ASTN2: variants seen among roughly 807,000 people sequenced by gnomAD.
The protein encoded by ASTN2 is astrotactin 2.
ASTN2 carries 54 observed loss-of-function variants against 139.8 expected under a neutral mutation model. The ratio of observed to expected loss-of-function variants is 0.39; its 90% CI spans 0.31 to 0.48. The LOEUF is 0.48. Ranked by LOEUF, ASTN2 falls within the 20% of genes least tolerant of loss-of-function variation. The pLI is 0.95. For synonymous variants in ASTN2, 756 were observed against 719.5 expected, an observed-to-expected ratio of 1.05 and a Z score of -0.81; for missense variants, 1,565 against 1,725.1, an observed-to-expected ratio of 0.91 and a Z score of 1.64.
chr9:116,439,346 G>T lies in ASTN2; in HGVS notation c.3782+1263C>A, dbSNP rs186619643. On this transcript the variant is annotated intron_variant, in intron 22 of 22. Coordinates refer to ENST00000313400, the MANE Select transcript of ASTN2 (RefSeq NM_001365068.1). ...CTCCCGAGTAGCTGGGACTACAGGCGCCCGCCACTACGCCCGGCTAATTTT... is the reference window on the plus strand; with the variant it reads ...CTCCCGAGTAGCTGGGACTACAGGCTCCCGCCACTACGCCCGGCTAATTTT... Among the ~76,000 whole-genome samples the T allele has an allele frequency of 4.2e-5, 6 of 142,070 alleles. 2 individuals carry two copies. Among genetic ancestry groups the T allele is most frequent in the African/African-American group, 1.6e-4 (6 of 36,994 alleles). 93.2% of individuals were successfully genotyped at this position (142,070 alleles called of 152,430 possible).
intron 16 of ASTN2, among the ~76,000 whole-genome samples, chr9:116,712,186 T>C (rs532032945): frequency 6.6e-6 from 1 of 152,324 alleles, no homozygotes; most frequent in Non-Finnish European, 1.5e-5. Flanking sequence ...TTTTTGTACA[T>C]GCTTTTCTTG....
chr9:117,310,589 C>A (rs1827943394), intron 1 of ASTN2, among the ~76,000 whole-genome samples: 1 of 151,972 alleles, frequency 6.6e-6, no homozygotes. Context: ...GGATAAATGC[C>A]CTAGTGTGGG....
At chr9:116,980,007 AATATATATT>A (rs1415492391) in intron 7 of ASTN2, among the ~76,000 whole-genome samples, 3 of 152,044 alleles carry the variant, frequency 2.0e-5, no homozygotes, top group African/African-American at 7.2e-5. Flanking sequence ...TTATACAACA[AATATATATT>A]TTGCAATTAA....
At chr9:117,053,789 T>C (rs1838980135) in intron 5 of ASTN2, among the ~76,000 whole-genome samples, 1 of 152,218 alleles carries the variant, frequency 6.6e-6, no homozygotes, top group African/African-American at 2.4e-5. Flanking sequence ...CTCTGTCCTT[T>C]CCTGGATGTA....
chr9:117,189,270 T>C (rs1174415769), intron 3 of ASTN2, among the ~76,000 whole-genome samples: 2 of 152,192 alleles, frequency 1.3e-5, no homozygotes, highest in Non-Finnish European at 2.9e-5. Context: ...CATTTGCCCA[T>C]TCACCCATTC....
intron 1 of ASTN2, among the ~76,000 whole-genome samples, chr9:117,402,336 G>A (rs1458190126): frequency 1.3e-5 from 2 of 152,218 alleles, no homozygotes; most frequent in African/African-American, 4.8e-5. Flanking sequence ...AAAGAGCTGG[G>A]ATTACAGGCG....
chr9:117,200,167 G>A (rs540562109), intron 3 of ASTN2, among the ~76,000 whole-genome samples: 14 of 151,756 alleles, frequency 9.2e-5, no homozygotes, highest in African/African-American at 3.4e-4. Flanking sequence ...TGCCATGTTG[G>A]TGTGCTTCAC....
At chr9:117,168,351 CA>C (rs1830715472) in intron 3 of ASTN2, among the ~76,000 whole-genome samples, 1 of 152,164 alleles carries the variant, frequency 6.6e-6, no homozygotes, top group Non-Finnish European at 1.5e-5. Flanking sequence ...TTCACTTCCA[CA>C]AGGACATGGA....
At chr9:116,467,119 G>GT (rs1564296365) in intron 20 of ASTN2, among the ~76,000 whole-genome samples, 1 of 152,044 alleles carries the variant, frequency 6.6e-6, no homozygotes. Context: ...GGTTTGGTGT[G>GT]TTTCTTTCTT....
intron 20 of ASTN2, among the ~76,000 whole-genome samples, chr9:116,483,604 C>A (rs1040437511): frequency 2.0e-5 from 3 of 151,926 alleles, no homozygotes; most frequent in African/African-American, 7.3e-5. Flanking sequence ...GACAGACAGA[C>A]AAAGACAGGA....
intron 2 of ASTN2, among the ~76,000 whole-genome samples, chr9:117,228,870 C>CAT (rs1189308838): frequency 1.3e-5 from 2 of 151,980 alleles, no homozygotes; most frequent in African/African-American, 2.4e-5. Context: ...CAAAAATTAG[C>CAT]CAGGCATGGT....
rs117502891 is a variant in ASTN2 at position 117,230,133 on chromosome 9, C to T, written c.631-15391G>A. Among the ~76,000 whole-genome samples the T allele has an allele frequency of 2.7e-3, 403 of 148,752 alleles. 7 individuals carry two copies. In the East Asian group the frequency reaches 0.053, roughly 20 times the overall value. On this transcript the variant is annotated intron_variant, in intron 2 of 22. Transcript: ENST00000313400. ...CTCTATCTTAAAAAAAAAAAAAAGCCCTATTGATCCTGAGCCTCTGTGGAA... is the reference window on the plus strand; with the variant it reads ...CTCTATCTTAAAAAAAAAAAAAAGCTCTATTGATCCTGAGCCTCTGTGGAA...
intron 10 of ASTN2, among the ~76,000 whole-genome samples, chr9:116,928,423 C>T (rs1167393933): frequency 6.6e-6 from 1 of 152,114 alleles, no homozygotes; most frequent in Non-Finnish European, 1.5e-5. Context: ...GACTAATGGG[C>T]AGTCATACAC....
intron 12 of ASTN2, among the ~76,000 whole-genome samples, chr9:116,810,739 C>G (rs1365702730): frequency 6.6e-6 from 1 of 151,814 alleles, no homozygotes; most frequent in Non-Finnish European, 1.5e-5. Flanking sequence ...TTTTTTGTTT[C>G]TTTCTCTGGA....
chr9:117,383,483 T>A (rs1024321509), intron 1 of ASTN2, among the ~76,000 whole-genome samples: 2 of 152,076 alleles, frequency 1.3e-5, no homozygotes, highest in Non-Finnish European at 2.9e-5. Context: ...TTTCATTGCA[T>A]GCAAATTCAA....
At chr9:117,194,507 C>G (rs1319353190) in intron 3 of ASTN2, among the ~76,000 whole-genome samples, 1 of 152,190 alleles carries the variant, frequency 6.6e-6, no homozygotes, top group African/African-American at 2.4e-5. Flanking sequence ...TTTTGCAAAA[C>G]TTATTTTAGA....
intron 19 of ASTN2, among the ~76,000 whole-genome samples, chr9:116,512,558 G>C (rs746815196): frequency 1.3e-5 from 2 of 152,146 alleles, no homozygotes; most frequent in Admixed American, 6.6e-5. Flanking sequence ...GGATATCCTC[G>C]TTAACTTTCT....
chr9:117,120,012 GTGTGTGTA>G (rs1461878667), intron 4 of ASTN2, among the ~76,000 whole-genome samples: 5 of 68,780 alleles, frequency 7.3e-5, no homozygotes, highest in African/African-American at 3.1e-4. Context: ...GTGTGTGTGT[GTGTGTGTA>G]TATATATATA....
chr9:116,450,642 T>C (rs1848145937), intron 20 of ASTN2, among the ~76,000 whole-genome samples: 1 of 151,912 alleles, frequency 6.6e-6, no homozygotes, highest in Non-Finnish European at 1.5e-5. Flanking sequence ...TGTCCAAACT[T>C]CCCCCCAGCT....
Sources: allele counts gnomAD v4.1 joint callset (sites outside exome capture counted in the v4.1 genomes callset), GRCh38; gene constraint gnomAD v4.1.1; transcripts MANE v1.5; gene names NCBI Gene and HGNC (gene_info 2026-07-23, HGNC 2026-07-21).